The following FAM120C variants were observed in gnomAD, a reference collection of about 807,000 sequenced individuals.
FAM120C encodes the protein family with sequence similarity 120 member C, also known as constitutive coactivator of PPAR-gamma-like protein 2.
FAM120C carries 14 observed loss-of-function variants against 71.2 expected under a neutral mutation model. That is an observed-to-expected ratio of 0.20 (90% CI 0.13 to 0.31). The LOEUF is 0.31. FAM120C is among the 10% of genes least tolerant of loss of function. The probability of loss-of-function intolerance (pLI) is 1.00; values close to 1 mark genes in which losing one functional copy is unlikely to be tolerated. For synonymous variants in FAM120C, 354 were observed against 353.2 expected, an observed-to-expected ratio of 1.00 and a Z score of -0.03; for missense variants, 500 against 879.0, an observed-to-expected ratio of 0.57 and a Z score of 5.45.
chrX:54,075,814 A>G (rs192294778), intron 15 of FAM120C, among the ~76,000 whole-genome samples: 1,573 of 105,249 alleles, frequency 0.015, 31 homozygotes, highest in African/African-American at 0.053. Flanking sequence ...AAAAAAAAAA[A>G]GAATTTAAGA....
At chrX:54,145,387 G>A (rs1190384688) in intron 4 of FAM120C, among the ~76,000 whole-genome samples, 3 of 111,420 alleles carry the variant, frequency 2.7e-5, no homozygotes, top group East Asian at 2.8e-4. Context: ...GCAACCTACA[G>A]AATGGGAGAA....
intron 4 of FAM120C, among the ~76,000 whole-genome samples, chrX:54,140,585 A>G (rs193007313): frequency 1.4e-3 from 148 of 105,804 alleles, no homozygotes; most frequent in Non-Finnish European, 2.7e-3. Flanking sequence ...ACACCACTGC[A>G]CTCCAGCCTG....
Position 54,089,736 on chromosome X carries a change from C to T in FAM120C, c.2427+1576G>A, listed in dbSNP as rs1404102546. Among the ~76,000 whole-genome samples, 18 of 110,352 alleles carry T rather than the reference C, an allele frequency of 1.6e-4. No individual in the cohort carries two copies. The Admixed American group carries it at 1.7e-3, about 10-fold the overall frequency. On this transcript the variant is annotated intron_variant, in intron 11 of 15. Coordinates refer to ENST00000375180, the MANE Select transcript of FAM120C (RefSeq NM_017848.6). ...CAGCACTTTGGGAGGTCAAGGTGGG[C>T]GGATCACCCGAGGTTGGGAATTCGA...
intron 4 of FAM120C, among the ~76,000 whole-genome samples, chrX:54,140,636 A>G (rs1277399114): frequency 9.2e-6 from 1 of 108,271 alleles, no homozygotes; most frequent in Non-Finnish European, 1.9e-5. Context: ...AAAAAAAAAA[A>G]GAAAAGAAAA....
chrX:54,140,624 G>GA (rs1258170766), intron 4 of FAM120C, among the ~76,000 whole-genome samples: 527 of 70,374 alleles, frequency 7.5e-3, no homozygotes, highest in African/African-American at 0.013. Context: ...CCGTCTCAAA[G>GA]AAAAAAAAAA....
At chrX:54,129,995 CAGAGGGAGACCGTGGAAAGAGAGGG>C (rs1338857811) in intron 9 of FAM120C, among the ~76,000 whole-genome samples, 46 of 103,655 alleles carry the variant, frequency 4.4e-4, no homozygotes, top group Admixed American at 6.4e-4. Context: ...GGCTCGGCAT[CAGAGGGAGACCGTGGAAAGAGAGGG>C]AGAGGGAGAC....
At chrX:54,123,720 G>A (rs1314190409) in intron 9 of FAM120C, among the ~76,000 whole-genome samples, 1 of 67,625 alleles carries the variant, frequency 1.5e-5, no homozygotes, top group East Asian at 5.2e-4. Context: ...CTCTCAGCTC[G>A]TCAAAATCAT....
intron 4 of FAM120C, among the ~76,000 whole-genome samples, chrX:54,146,329 TA>T (rs202237602): frequency 2.1e-3 from 229 of 110,371 alleles, no homozygotes; most frequent in Middle Eastern, 4.7e-3. Context: ...AAAATTAAAT[TA>T]AAAAAAATAA....
intron 10 of FAM120C, among the ~76,000 whole-genome samples, chrX:54,099,724 A>AT (rs781982443): frequency 9.4e-4 from 105 of 112,205 alleles, no homozygotes; most frequent in African/African-American, 3.4e-3. Flanking sequence ...TGTAAAGACT[A>AT]TTTTTCCCCC....
At chrX:54,077,191 G>A (rs1416271351) in intron 15 of FAM120C, among the ~76,000 whole-genome samples, 1 of 111,334 alleles carries the variant, frequency 9.0e-6, no homozygotes, top group East Asian at 2.8e-4. Flanking sequence ...TAGTAGTAAT[G>A]GTTAAAGGCA....
chrX:54,081,595 A>T, intron 13 of FAM120C, 135 bp from the exon 14 acceptor site: 4 of 613,690 alleles, frequency 6.5e-6, no homozygotes, highest in Non-Finnish European at 7.2e-6. Context: ...CAACATGGTG[A>T]AACCCTGTCT....
intron 1 of FAM120C, among the ~76,000 whole-genome samples, chrX:54,175,548 G>A (rs5915007): frequency 0.013 from 1,414 of 108,629 alleles, 17 homozygotes; most frequent in Non-Finnish European, 0.021. Flanking sequence ...TAACTCCGTC[G>A]CCCAGGCTGC....
chrX:54,148,201 C>T (rs1190068961), intron 4 of FAM120C, among the ~76,000 whole-genome samples: 1 of 110,399 alleles, frequency 9.1e-6, no homozygotes, highest in Non-Finnish European at 1.9e-5. Context: ...TATTTGCAAA[C>T]CAGATATCTG....
chrX:54,129,804 G>A (rs1372284180), intron 9 of FAM120C, among the ~76,000 whole-genome samples: 5 of 112,059 alleles, frequency 4.5e-5, no homozygotes, highest in Admixed American at 9.4e-5. Context: ...GATCACTTGC[G>A]GTTAGGAGCT....
intron 10 of FAM120C, among the ~76,000 whole-genome samples, chrX:54,106,408 C>A (rs1210842428): frequency 1.8e-5 from 2 of 111,778 alleles, no homozygotes; most frequent in African/African-American, 6.5e-5. Context: ...CAAAAATTAA[C>A]TCAAGATGGA....
intron 12 of FAM120C, among the ~76,000 whole-genome samples, chrX:54,086,850 G>C (rs2066797338): frequency 9.2e-6 from 1 of 108,517 alleles, no homozygotes; most frequent in African/African-American, 3.3e-5. Flanking sequence ...TACAAAAACA[G>C]AGGGTGGTCT....
chrX:54,087,592 C>T (rs782200071), intron 12 of FAM120C, among the ~76,000 whole-genome samples, 163 bp downstream of exon 12: 12 of 110,987 alleles, frequency 1.1e-4, no homozygotes, highest in Admixed American at 3.9e-4. Context: ...ACATATCAGA[C>T]TACGGGCCTT....
At chrX:54,160,831 A>G (rs782279307) in intron 1 of FAM120C, among the ~76,000 whole-genome samples, 2 of 111,626 alleles carry the variant, frequency 1.8e-5, no homozygotes, top group South Asian at 3.8e-4. Context: ...GGCTAGGAGG[A>G]GCAAAGCCCA....
intron 3 of FAM120C, among the ~76,000 whole-genome samples, chrX:54,156,281 C>T (rs962429840): frequency 1.9e-5 from 2 of 107,496 alleles, no homozygotes; most frequent in African/African-American, 6.8e-5. Context: ...ATACTACCAC[C>T]AGAAGTGTAT....
Sources: allele counts gnomAD v4.1 joint callset (sites outside exome capture counted in the v4.1 genomes callset), GRCh38; gene constraint gnomAD v4.1.1; transcripts MANE v1.5; gene names NCBI Gene and HGNC (gene_info 2026-07-23, HGNC 2026-07-21).